The following DPP10 variants were observed in gnomAD, a reference collection of about 807,000 sequenced individuals.
The protein encoded by DPP10 is dipeptidyl peptidase like 10.
In DPP10, 33 loss-of-function variants were observed where a neutral mutation model predicts 120.9. That is an observed-to-expected ratio of 0.27 (90% CI 0.21 to 0.37). The LOEUF is 0.37. DPP10 is among the 10% of genes least tolerant of loss of function. DPP10 has a pLI of 1.00. For synonymous variants in DPP10, 337 were observed against 326.1 expected (o/e 1.03, Z -0.36); for missense variants, 816 against 942.8 (o/e 0.87, Z 1.76).
chr2:115,566,371 T>C (rs1558859559), intron 5 of DPP10, among the ~76,000 whole-genome samples: 1 of 152,186 alleles, frequency 6.6e-6, no homozygotes, highest in African/African-American at 2.4e-5. Flanking sequence ...TTCATTTTTT[T>C]CTATGCTAAT....
chr2:114,737,178 A>C (rs1677526360), intron 1 of DPP10, among the ~76,000 whole-genome samples: 1 of 152,174 alleles, frequency 6.6e-6, no homozygotes, highest in African/African-American at 2.4e-5. Context: ...CATGCTGGAT[A>C]TTAGTTGTTA....
intron 5 of DPP10, among the ~76,000 whole-genome samples, chr2:115,565,458 AAG>A (rs1368322216): frequency 1.7e-4 from 26 of 152,172 alleles, no homozygotes; most frequent in African/African-American, 5.8e-4. Context: ...ATTGATAAAA[AAG>A]AAAATTAATG....
intron 5 of DPP10, among the ~76,000 whole-genome samples, chr2:115,561,358 CAAAAAAAAAAA>C (rs11421762): frequency 1.3e-4 from 8 of 59,802 alleles, no homozygotes; most frequent in African/African-American, 2.8e-4. Context: ...GACTCCATCA[CAAAAAAAAAAA>C]AAAAAAAAAA....
intron 5 of DPP10, among the ~76,000 whole-genome samples, chr2:115,661,897 C>T (rs1167141505): frequency 6.6e-6 from 1 of 152,164 alleles, no homozygotes; most frequent in Non-Finnish European, 1.5e-5. Flanking sequence ...GATCTATCCT[C>T]TTAGCACATT....
At chr2:115,219,757 A>G (rs1057358750) in intron 1 of DPP10, among the ~76,000 whole-genome samples, 4 of 152,214 alleles carry the variant, frequency 2.6e-5, no homozygotes, top group Non-Finnish European at 5.9e-5. Flanking sequence ...AAGACTAGCC[A>G]ACATCTCACA....
At chr2:114,537,204 G>C (rs1686574311) in intron 1 of DPP10, among the ~76,000 whole-genome samples, 1 of 152,158 alleles carries the variant, frequency 6.6e-6, no homozygotes, top group South Asian at 2.1e-4. Context: ...AATGAGCTCA[G>C]GGATGTGAGT....
At chr2:115,211,471 G>A (rs1277833214) in intron 1 of DPP10, among the ~76,000 whole-genome samples, 1 of 152,052 alleles carries the variant, frequency 6.6e-6, no homozygotes, top group East Asian at 1.9e-4. Context: ...TATGAGAGTA[G>A]TCATCTACCT....
intron 3 of DPP10, among the ~76,000 whole-genome samples, chr2:115,369,449 AC>A (rs1553565336): frequency 1.3e-5 from 2 of 152,080 alleles, no homozygotes; most frequent in Non-Finnish European, 2.9e-5. Flanking sequence ...AGTTATGATT[AC>A]TTAAATATCA....
chr2:114,628,208 AT>A (rs1179025365), intron 1 of DPP10, among the ~76,000 whole-genome samples: 3 of 152,112 alleles, frequency 2.0e-5, no homozygotes, highest in Admixed American at 6.6e-5. Context: ...GTGATTTAAG[AT>A]TTGAAGAGGC....
At chr2:115,185,064 G>T (rs2176250) in intron 1 of DPP10, among the ~76,000 whole-genome samples, 119,186 of 152,028 alleles carry the variant, frequency 0.78, 46,945 homozygotes, top group East Asian at 0.89. Context: ...TATAAAATTA[G>T]TTTTAGAATT....
chr2:114,471,413 C>T (rs985197471), intron 1 of DPP10, among the ~76,000 whole-genome samples: 1 of 152,072 alleles, frequency 6.6e-6, no homozygotes. Context: ...TAGACAGATT[C>T]CTAGAGAATC....
chr2:115,550,908 A>T (rs1354808303), intron 5 of DPP10, among the ~76,000 whole-genome samples: 1 of 152,182 alleles, frequency 6.6e-6, no homozygotes, highest in African/African-American at 2.4e-5. Flanking sequence ...AGATGTGCTT[A>T]GGTTTACCCT....
intron 1 of DPP10, among the ~76,000 whole-genome samples, chr2:115,302,835 T>C (rs946040411): frequency 6.6e-6 from 1 of 152,036 alleles, no homozygotes; most frequent in African/African-American, 2.4e-5. Context: ...AAAAAATTAC[T>C]TTACTCAGCA....
At chr2:115,186,842 C>T (rs2054475475) in intron 1 of DPP10, among the ~76,000 whole-genome samples, 1 of 151,926 alleles carries the variant, frequency 6.6e-6, no homozygotes, top group Admixed American at 6.6e-5. Flanking sequence ...AGGTAACTGG[C>T]ATGGCTGACT....
At chr2:114,585,778 T>C (rs1202820231) in intron 1 of DPP10, among the ~76,000 whole-genome samples, 1 of 152,206 alleles carries the variant, frequency 6.6e-6, no homozygotes, top group Non-Finnish European at 1.5e-5. Flanking sequence ...CTCAACTTGA[T>C]GTCCCTAGAA....
chr2:115,480,568 A>G (rs2105263893), intron 3 of DPP10, among the ~76,000 whole-genome samples: 1 of 152,276 alleles, frequency 6.6e-6, no homozygotes. Flanking sequence ...CTTTGAAGAC[A>G]GTTATCTACC....
chr2:115,434,537 T>C (rs1350319898), intron 3 of DPP10, among the ~76,000 whole-genome samples: 1 of 151,826 alleles, frequency 6.6e-6, no homozygotes, highest in East Asian at 1.9e-4. Context: ...TTAAAAAAAA[T>C]AATTTTCATT....
intron 1 of DPP10, chr2:115,064,668 G>T: frequency 1.5e-6 from 2 of 1,293,376 alleles, no homozygotes; most frequent in South Asian, 2.5e-5. Flanking sequence ...CTGGAAGCAT[G>T]AGTGAGTGAC....
At chr2:115,500,352 A>G (rs1262588683) in intron 4 of DPP10, among the ~76,000 whole-genome samples, 2 of 152,004 alleles carry the variant, frequency 1.3e-5, no homozygotes, top group African/African-American at 4.8e-5. Context: ...CAATTAGATG[A>G]ATGTATACAA....
Sources: allele counts gnomAD v4.1 joint callset (sites outside exome capture counted in the v4.1 genomes callset), GRCh38; gene constraint gnomAD v4.1.1; transcripts MANE v1.5; gene names NCBI Gene and HGNC (gene_info 2026-07-23, HGNC 2026-07-21).